The following ARHGEF10 variants were observed in gnomAD, a reference collection of about 807,000 sequenced individuals.
ARHGEF10 encodes Rho guanine nucleotide exchange factor 10.
Under a neutral mutation model 147.4 loss-of-function variants are expected in ARHGEF10, and 140 were observed. The observed-to-expected ratio is 0.95, with a 90% CI of 0.83 to 1.09. ARHGEF10 has a LOEUF of 1.09. ARHGEF10 is among the 50% of genes least tolerant of loss of function. ARHGEF10 has a pLI of 0.00. For missense variants in ARHGEF10, 2,222 were observed against 1,752.7 expected (o/e 1.27, Z -4.78); for synonymous variants, 902 against 695.8 (o/e 1.30, Z -4.67).
chr8:1,932,272 G>GC (rs377246565), intron 25 of ARHGEF10, among the ~76,000 whole-genome samples: 4 of 151,034 alleles, frequency 2.6e-5, no homozygotes, highest in Non-Finnish European at 5.9e-5. Context: ...AGTGTGAGGG[G>GC]TGTGCATTGT....
chr8:1,909,378 A>C lies in ARHGEF10; in HGVS notation c.2051A>C (p.Glu684Ala). The stretch of plus-strand genomic sequence containing the variant: ...CCACTGGGACATGTGGACGCCATCG[A>C]GTATGGCAGCAGCGCAGGCACGGGC... ...SVPLGHVDAI[E>A]YGSSAGTGEH... Residue 684 changes from glutamate (E) to alanine (A), a missense_variant, in exon 18 of 29, where the codon GAG (glutamate) becomes GCG (alanine). Coordinates refer to ENST00000349830, the MANE Select transcript of ARHGEF10 (RefSeq NM_014629.4). 6.2e-7 allele frequency: 1 copy of C among 1,614,200 alleles called. No homozygotes were observed. The highest frequency in any genetic ancestry group is 8.5e-7 in the Non-Finnish European group (1 of 1,180,044).
intron 26 of ARHGEF10, among the ~76,000 whole-genome samples, chr8:1,936,104 TGC>T (rs1363772355): frequency 7.0e-6 from 1 of 143,606 alleles, no homozygotes; most frequent in Non-Finnish European, 1.5e-5. Context: ...ATTATGAGGT[TGC>T]GCTGTCTTGT....
Position 1,889,754 on chromosome 8 carries a change from ATGAGGGTTGTGAGGAGACACTGAGTGGGG to A in ARHGEF10, c.1183-3801_1183-3773del, listed in dbSNP as rs1178261026. Among the ~76,000 whole-genome samples the A allele has an allele frequency of 5.6e-4, 25 of 44,420 alleles. 2 individuals are homozygous for A. The East Asian group carries it at 0.017, about 30-fold the overall frequency. 29.1% of individuals were successfully genotyped at this position (44,420 alleles called of 152,430 possible). ...GGGTTGCGAGGAGACATTGAGTGGG[ATGAGGGTTGTGAGGAGACACTGAGTGGGG>A]TGAGGGTTGTGAGCAGACACTTCAT... On this transcript the variant is annotated intron_variant, in intron 11 of 28. Transcript: ENST00000349830.
intron 1 of ARHGEF10, among the ~76,000 whole-genome samples, chr8:1,824,638 C>T (rs1411713606): frequency 2.4e-5 from 3 of 123,866 alleles, no homozygotes; most frequent in Non-Finnish European, 5.0e-5. Context: ...TCCACCAGTT[C>T]CCCGCACCCC....
At chr8:1,926,596 C>G (rs1237845084) in intron 23 of ARHGEF10, 133 bp downstream of exon 23, 1 of 804,718 alleles carries the variant, frequency 1.2e-6, no homozygotes, top group Non-Finnish European at 2.1e-6. Flanking sequence ...TACTTAGAAA[C>G]ATGAAAACTT....
rs535791241 is a variant in ARHGEF10, at chr8:1,824,380, A to AG, written c.-48+271dup. On this transcript the variant is annotated intron_variant, in intron 1 of 28. Transcript: ENST00000349830. ...ACTGGCAGCAGGGACCCCTGGCCCC[A>AG]GGGGCAGGAGCGAACTCCGATCGGC... 1.7e-3 allele frequency among the ~76,000 whole-genome samples: 263 copies of AG among 151,660 alleles called. 2 individuals are homozygous for AG. Among genetic ancestry groups the AG allele is most frequent in the African/African-American group, 6.2e-3 (257 of 41,306 alleles).
At chr8:1,887,741 G>A (rs574792560) in intron 11 of ARHGEF10, among the ~76,000 whole-genome samples, 120 of 140,984 alleles carry the variant, frequency 8.5e-4, no homozygotes, top group African/African-American at 3.0e-3. Context: ...ATGGGATGAG[G>A]GTTTTGAGGA....
intron 2 of ARHGEF10, among the ~76,000 whole-genome samples, chr8:1,846,397 A>G (rs534062580): frequency 8.5e-5 from 13 of 152,244 alleles, no homozygotes; most frequent in African/African-American, 3.1e-4. Flanking sequence ...AATTTCCCCC[A>G]TTATTAAGTC....
At chr8:1,854,261 A>G (rs1805379541) in intron 2 of ARHGEF10, among the ~76,000 whole-genome samples, 1 of 151,964 alleles carries the variant, frequency 6.6e-6, no homozygotes, top group African/African-American at 2.4e-5. Flanking sequence ...CCATCGATGG[A>G]GGCCCCCTTG....
chr8:1,827,506 A>G (rs1258424932), intron 1 of ARHGEF10, among the ~76,000 whole-genome samples: 2 of 152,068 alleles, frequency 1.3e-5, no homozygotes, highest in Non-Finnish European at 2.9e-5. Context: ...GGGTTTTGCC[A>G]TGTTGGCCAG....
intron 2 of ARHGEF10, among the ~76,000 whole-genome samples, chr8:1,845,575 A>G (rs984026024): frequency 5.3e-5 from 8 of 152,250 alleles, no homozygotes; most frequent in Non-Finnish European, 2.9e-5. Context: ...ATCCCGTGGC[A>G]GATGGATGCT....
chr8:1,876,533 C>A, intron 7 of ARHGEF10, 38 bp from the exon 8 acceptor site: 2 of 1,603,096 alleles, frequency 1.2e-6, no homozygotes, highest in South Asian at 1.1e-5. Flanking sequence ...ACATGGAATT[C>A]TAAAGTTTTA....
At chr8:1,901,229 T>G (rs775970183) in intron 15 of ARHGEF10, among the ~76,000 whole-genome samples, 5 of 152,140 alleles carry the variant, frequency 3.3e-5, no homozygotes, top group East Asian at 1.9e-4. Flanking sequence ...TCCTGCCTTC[T>G]GCCGTAGTCC....
At chr8:1,874,080 G>A (rs997995048) in intron 7 of ARHGEF10, among the ~76,000 whole-genome samples, 3 of 152,212 alleles carry the variant, frequency 2.0e-5, no homozygotes, top group Admixed American at 1.3e-4. Flanking sequence ...CACATGCCAG[G>A]GTGACTGGAT....
chr8:1,837,047 C>T (rs755669059), intron 1 of ARHGEF10, among the ~76,000 whole-genome samples: 4 of 152,208 alleles, frequency 2.6e-5, no homozygotes, highest in African/African-American at 7.2e-5. Flanking sequence ...TTATCAGCAG[C>T]GTGAAAGTGG....
At chr8:1,888,262 TGAGTGGGGCTG>T (rs1808946039) in intron 11 of ARHGEF10, among the ~76,000 whole-genome samples, 2 of 73,012 alleles carry the variant, frequency 2.7e-5, no homozygotes, top group Admixed American at 1.4e-4. Flanking sequence ...GAGGAGATGC[TGAGTGGGGCTG>T]TAGGTTCTGA....
intron 6 of ARHGEF10, 41 bp downstream of exon 6, chr8:1,866,643 C>A (rs1585319088): frequency 1.9e-6 from 3 of 1,580,546 alleles, no homozygotes; most frequent in African/African-American, 2.7e-5. Context: ...CCTCACCACG[C>A]TCCACAGACG....
chr8:1,871,112 C>CAAAAAAAAAAA (rs779598908), intron 7 of ARHGEF10: 4 of 78,932 alleles, frequency 5.1e-5, no homozygotes, highest in East Asian at 3.7e-4. Flanking sequence ...AACTCTGTGT[C>CAAAAAAAAAAA]AAAAAAAAAA....
intron 14 of ARHGEF10, among the ~76,000 whole-genome samples, chr8:1,897,430 A>T (rs1810077348): frequency 6.7e-6 from 1 of 149,520 alleles, no homozygotes; most frequent in African/African-American, 2.5e-5. Flanking sequence ...GTCCTAAGGG[A>T]TCGGATCGCA....
Sources: gnomAD v4.1 joint callset for allele counts (sites outside exome capture counted in the v4.1 genomes callset) on GRCh38, gnomAD v4.1.1 for gene constraint, MANE v1.5 for transcripts, NCBI Gene and HGNC (gene_info 2026-07-23, HGNC 2026-07-21) for gene names.